BRIP1: variants seen among roughly 807,000 people sequenced by gnomAD.
The protein encoded by BRIP1 is Fanconi anemia group J protein.
In BRIP1, 88 loss-of-function variants were observed where a neutral mutation model predicts 119.7. That is an observed-to-expected ratio of 0.74 (90% CI 0.62 to 0.88). The LOEUF is 0.88. Ranked by LOEUF, BRIP1 falls within the 40% of genes least tolerant of loss-of-function variation. The pLI is 0.00. For missense variants in BRIP1, 1,259 were observed against 1,455.4 expected, an observed-to-expected ratio of 0.87 and a Z score of 2.20; for synonymous variants, 443 against 496.5, an observed-to-expected ratio of 0.89 and a Z score of 1.43.
chr17:61,722,825 AT>A lies in BRIP1; in HGVS notation c.2380-6763del, dbSNP rs1388099275. Among the ~76,000 whole-genome samples, 2 of 152,260 alleles carry A rather than the reference AT, an allele frequency of 1.3e-5. No homozygotes were observed. Among genetic ancestry groups the A allele is most frequent in the Admixed American group, 1.3e-4 (2 of 15,286 alleles). On this transcript the variant is annotated intron_variant, in intron 16 of 19. Coordinates refer to ENST00000259008, the MANE Select transcript of BRIP1 (RefSeq NM_032043.3). The surrounding 1 kb of genome is among the most constrained non-coding windows in gnomAD (Gnocchi z 4.6). ...TTTTCTGTATGGCTACATTGTTTTA[AT>A]TTATTGCAAATTTTCAAACACCTTT...
intron 14 of BRIP1, among the ~76,000 whole-genome samples, chr17:61,765,593 G>A (rs2077362002): frequency 6.7e-6 from 1 of 148,958 alleles, no homozygotes; most frequent in Non-Finnish European, 1.5e-5. Context: ...GTGCCACCAT[G>A]TCCGGTTAAT....
At chr17:61,696,710 G>T (rs1052821643) in intron 17 of BRIP1, among the ~76,000 whole-genome samples, 3 of 150,860 alleles carry the variant, frequency 2.0e-5, no homozygotes, top group Admixed American at 1.3e-4. Flanking sequence ...AAAAGGCCAG[G>T]CGTGGTGGCT....
At chr17:61,771,781 G>A (rs2077451728) in intron 14 of BRIP1, among the ~76,000 whole-genome samples, 1 of 152,100 alleles carries the variant, frequency 6.6e-6, no homozygotes, top group Non-Finnish European at 1.5e-5. Context: ...CCAACATGGT[G>A]AAACCCTGTC....
rs1161286811 is a variant in BRIP1, at chr17:61,748,876, G to A, written c.2098-4285C>T. Among the ~76,000 whole-genome samples, 1 of 152,218 alleles carries A rather than the reference G, an allele frequency of 6.6e-6. No individual in the cohort carries two copies. The highest frequency in any genetic ancestry group is 1.5e-5 in the Non-Finnish European group (1 of 68,026). On this transcript the variant is annotated intron_variant, in intron 14 of 19. Coordinates refer to ENST00000259008, the MANE Select transcript of BRIP1 (RefSeq NM_032043.3). The surrounding 1 kb of genome is among the most constrained non-coding windows in gnomAD (Gnocchi z 4.7). Reference sequence around the variant, plus strand: ...CTGTTGGCTGGGCGCAGTGGCTCATGCCTGTAATCCCAGCACTTTGGGAGG... The same window carrying A: ...CTGTTGGCTGGGCGCAGTGGCTCATACCTGTAATCCCAGCACTTTGGGAGG...
In BRIP1 at chr17:61,740,695, C is replaced by G. The variant is rs2076974433; in HGVS notation, c.2379+2318G>C. 6.6e-6 allele frequency among the ~76,000 whole-genome samples: 1 copy of G among 152,188 alleles called. No homozygotes were observed. Among genetic ancestry groups the G allele is most frequent in the Admixed American group, 6.5e-5 (1 of 15,284 alleles). ...ATATAAAAGCTATGTTTACACTATA[C>G]TGCAGTCTATTAAGTGGGCAACAGC... On this transcript the variant is annotated intron_variant, in intron 16 of 19. Coordinates refer to ENST00000259008, the MANE Select transcript of BRIP1 (RefSeq NM_032043.3). The surrounding 1 kb of genome is among the most constrained non-coding windows in gnomAD (Gnocchi z 5.4).
In BRIP1 at chr17:61,682,516, T is replaced by C. The variant is rs1052811882; in HGVS notation, c.*780A>G. 1.5e-5 allele frequency: 3 copies of C among 198,288 alleles called. No individual in the cohort carries two copies. The highest frequency in any genetic ancestry group is 4.6e-5 in the African/African-American group (2 of 43,456). The allele number at this position is 198,288 out of a possible 1,614,324, so 12.3% of individuals were successfully genotyped here. A position where few individuals can be genotyped will look rare whatever the true frequency, so the allele number is the denominator to read the frequency against. ...TAAAACAATTTCAATTAAAAATGCA[T>C]ACTACTTTCTTAATTTCTCTTAATT... is the stretch of plus-strand genomic sequence containing the variant. On this transcript the variant is annotated 3_prime_UTR_variant, in exon 20 of 20. Coordinates refer to ENST00000259008, the MANE Select transcript of BRIP1 (RefSeq NM_032043.3). The surrounding 1 kb of genome is among the most constrained non-coding windows in gnomAD (Gnocchi z 4.9).
chr17:61,831,338 G>A lies in BRIP1; in HGVS notation c.627+15763C>T, dbSNP rs914836029. Among the ~76,000 whole-genome samples, 1 of 152,162 alleles carries A rather than the reference G, an allele frequency of 6.6e-6. No homozygotes were observed. Among genetic ancestry groups the A allele is most frequent in the African/African-American group, 2.4e-5 (1 of 41,446 alleles). ...TGAAACATGCAACTTTGGGTACTTAGAAAGTCCTAAAGAAACTCCAAAAAT... is the reference window on the plus strand; with the variant it reads ...TGAAACATGCAACTTTGGGTACTTAAAAAGTCCTAAAGAAACTCCAAAAAT... On this transcript the variant is annotated intron_variant, in intron 6 of 19. Coordinates refer to ENST00000259008, the MANE Select transcript of BRIP1 (RefSeq NM_032043.3). The surrounding 1 kb of genome is among the most constrained non-coding windows in gnomAD (Gnocchi z 4.1).
At chr17:61,785,825 G>A (rs1050323701) in intron 10 of BRIP1, among the ~76,000 whole-genome samples, 5 of 151,998 alleles carry the variant, frequency 3.3e-5, no homozygotes, top group Admixed American at 2.6e-4. Flanking sequence ...AAGGTGAGGC[G>A]CTGTACTAAA....
chr17:61,745,945 A>G lies in BRIP1; in HGVS notation c.2098-1354T>C, dbSNP rs1425944590. On this transcript the variant is annotated intron_variant, in intron 14 of 19. Transcript: ENST00000259008. This position sits in a 1 kb window ranked among gnomAD's most constrained non-coding sequence, Gnocchi z 4.4. ...TAAAGCTGAATAAATGAAAAAGACA[A>G]AAGCTAATATTAGAGATTATTATTT... Among the ~76,000 whole-genome samples the G allele has an allele frequency of 6.6e-6, 1 of 152,206 alleles. No individual in the cohort carries two copies. The highest frequency in any genetic ancestry group is 1.5e-5 in the Non-Finnish European group (1 of 68,022).
In BRIP1 at chr17:61,680,884, G is replaced by C. The variant is rs1271030797; in HGVS notation, c.*2412C>G. 6.6e-6 allele frequency among the ~76,000 whole-genome samples: 1 copy of C among 152,128 alleles called. No homozygotes were observed. Among genetic ancestry groups the C allele is most frequent in the African/African-American group, 2.4e-5 (1 of 41,420 alleles). ...GCACATATACCATCTGTGTCAGTCT[G>C]TTCTCATGCTGCTAATAAAGTCATA... On this transcript the variant is annotated 3_prime_UTR_variant, in exon 20 of 20. Coordinates refer to ENST00000259008, the MANE Select transcript of BRIP1 (RefSeq NM_032043.3).
In BRIP1 at chr17:61,802,931, G is replaced by A. The variant is rs2078017392; in HGVS notation, c.919-1457C>T. ...CTTATCAACACTGGTGTTATCTTTT[G>A]TTATCTCTATCTTAAAAGTAAAAAA... On this transcript the variant is annotated intron_variant, in intron 7 of 19. Transcript: ENST00000259008. The surrounding 1 kb of genome is among the most constrained non-coding windows in gnomAD (Gnocchi z 6.0). Among the ~76,000 whole-genome samples the A allele has an allele frequency of 6.6e-6, 1 of 152,000 alleles. No homozygotes were observed. Among genetic ancestry groups the A allele is most frequent in the South Asian group, 2.1e-4 (1 of 4,824 alleles).
Position 61,683,294 on chromosome 17 carries a change from T to C in BRIP1, c.*2A>G, listed in dbSNP as rs2061294942. 6.2e-7 allele frequency: 1 copy of C among 1,606,428 alleles called. No homozygotes were observed. The highest frequency in any genetic ancestry group is 8.5e-7 in the Non-Finnish European group (1 of 1,173,656). ...TTTACTTAGCTTGAGAGTTAAGTAT[T>C]ATTACTTAAAACCAGGAAACATGCC... On this transcript the variant is annotated 3_prime_UTR_variant, in exon 20 of 20. Coordinates refer to ENST00000259008, the MANE Select transcript of BRIP1 (RefSeq NM_032043.3). The surrounding 1 kb of genome is among the most constrained non-coding windows in gnomAD (Gnocchi z 4.7).
Position 61,689,321 on chromosome 17 carries a change from G to A in BRIP1, c.2576-3156C>T, listed in dbSNP as rs1210531430. Among the ~76,000 whole-genome samples the A allele has an allele frequency of 6.6e-6, 1 of 151,934 alleles. No individual in the cohort carries two copies. Among genetic ancestry groups the A allele is most frequent in the African/African-American group, 2.4e-5 (1 of 41,344 alleles). On this transcript the variant is annotated intron_variant, in intron 18 of 19. Coordinates refer to ENST00000259008, the MANE Select transcript of BRIP1 (RefSeq NM_032043.3). The surrounding 1 kb of genome is among the most constrained non-coding windows in gnomAD (Gnocchi z 4.5). ...AGCCTCCCAAAGTGCTAAGAATCAG[G>A]AAATTTGAAGGCAAGTCGTTTGAAA...
Position 61,742,996 on chromosome 17 carries a change from A to C in BRIP1, c.2379+17T>G, listed in dbSNP as rs2144674490. On this transcript the variant is annotated intron_variant, in intron 16 of 19. Transcript: ENST00000259008. The surrounding 1 kb of genome is among the most constrained non-coding windows in gnomAD (Gnocchi z 4.7). The stretch of plus-strand genomic sequence containing the variant: ...ATGACTCCTGTAATAATAAAACTTA[A>C]GGTTTTGATGGCCTACCTGTAGATC... 1 of 1,613,388 alleles carries C rather than the reference A, an allele frequency of 6.2e-7. No homozygotes were observed. Among genetic ancestry groups the C allele is most frequent in the Non-Finnish European group, 8.5e-7 (1 of 1,179,464 alleles).
In BRIP1 at chr17:61,709,221, C is replaced by G. The variant is rs1014901612; in HGVS notation, c.2492+6730G>C. 2.0e-5 allele frequency among the ~76,000 whole-genome samples: 3 copies of G among 152,120 alleles called. No individual in the cohort carries two copies. In the South Asian group the frequency reaches 6.2e-4, roughly 32 times the overall value. ...AGATTTAAATTTCAGCTTTCTCTTG[C>G]CTGCTAAGTCATTCAGTCATTCGGC... On this transcript the variant is annotated intron_variant, in intron 17 of 19. Coordinates refer to ENST00000259008, the MANE Select transcript of BRIP1 (RefSeq NM_032043.3). This position sits in a 1 kb window ranked among gnomAD's most constrained non-coding sequence, Gnocchi z 5.0.
intron 14 of BRIP1, among the ~76,000 whole-genome samples, chr17:61,771,825 G>A (rs1054133681): frequency 1.3e-5 from 2 of 152,048 alleles, no homozygotes; most frequent in African/African-American, 4.8e-5. Flanking sequence ...AGCCAGACAT[G>A]TTGGCGGACA....
chr17:61,819,087 G>A (rs1481050569), intron 6 of BRIP1, among the ~76,000 whole-genome samples: 1 of 151,778 alleles, frequency 6.6e-6, no homozygotes, highest in Admixed American at 6.6e-5. Flanking sequence ...TCAGGAGGCT[G>A]AGGCAGGAGA....
Position 61,809,135 on chromosome 17 carries a change from T to C in BRIP1, c.628-378A>G, listed in dbSNP as rs916058941. On this transcript the variant is annotated intron_variant, in intron 6 of 19. Transcript: ENST00000259008. This position sits in a 1 kb window ranked among gnomAD's most constrained non-coding sequence, Gnocchi z 5.2. Reference sequence around the variant, plus strand: ...CATACGAACTTGTGATATTATAGTTTAGAGTTAATAGTTTTGTTCACAGCA... The same window carrying C: ...CATACGAACTTGTGATATTATAGTTCAGAGTTAATAGTTTTGTTCACAGCA... 2.6e-5 allele frequency among the ~76,000 whole-genome samples: 4 copies of C among 152,190 alleles called. No individual in the cohort carries two copies. Among genetic ancestry groups the C allele is most frequent in the African/African-American group, 9.6e-5 (4 of 41,466 alleles).
rs1483239964 is a variant in BRIP1 at position 61,851,402 on chromosome 17, T to C, written c.380-2146A>G. On this transcript the variant is annotated intron_variant, in intron 4 of 19. Coordinates refer to ENST00000259008, the MANE Select transcript of BRIP1 (RefSeq NM_032043.3). The surrounding 1 kb of genome is among the most constrained non-coding windows in gnomAD (Gnocchi z 4.6). ...CTCTAAAAATCCTAATAGTTTTGCC[T>C]ATCAGAAGTAGGTCTTTAATCTACC... Among the ~76,000 whole-genome samples the C allele has an allele frequency of 1.3e-5, 2 of 152,218 alleles. No individual in the cohort carries two copies. Among genetic ancestry groups the C allele is most frequent in the Non-Finnish European group, 2.9e-5 (2 of 68,044 alleles).
Sources: gnomAD v4.1 joint callset for allele counts (sites outside exome capture counted in the v4.1 genomes callset) on GRCh38, gnomAD v4.1.1 for gene constraint, Gnocchi (gnomAD v3.1) non-coding constraint, MANE v1.5 for transcripts, NCBI Gene and HGNC (gene_info 2026-07-23, HGNC 2026-07-21) for gene names.